CHLSN: variants seen among roughly 807,000 people sequenced by gnomAD.
CHLSN encodes cholesin, also known as protein cholesin.
the CHLSN span, chr7:1,092,722 AG>A: frequency 6.2e-7 from 1 of 1,613,564 alleles, no homozygotes; most frequent in Non-Finnish European, 8.5e-7. Context: ...GGAGACCTTC[AG>A]GGACAAGCTG....
At chr7:1,070,365 G>GC in the CHLSN span, among the ~76,000 whole-genome samples, 1 of 128,824 alleles carries the variant, frequency 7.8e-6, no homozygotes. Context: ...GGGGGGGTCA[G>GC]CCCCCCGCCC....
chr7:1,118,981 G>A, the CHLSN span, among the ~76,000 whole-genome samples: 4 of 151,188 alleles, frequency 2.6e-5, no homozygotes, highest in East Asian at 2.0e-4. Context: ...TGGGCTGGGC[G>A]CAGTGGCTCA....
chr7:1,043,479 G>A, the CHLSN span: 5 of 152,252 alleles, frequency 3.3e-5, no homozygotes, highest in African/African-American at 4.8e-5. Flanking sequence ...AACAGAACCT[G>A]ACACAGAATA....
At chr7:1,106,990 C>T in the CHLSN span, among the ~76,000 whole-genome samples, 5 of 152,192 alleles carry the variant, frequency 3.3e-5, no homozygotes, top group Non-Finnish European at 5.9e-5. Flanking sequence ...CACCAGGCCA[C>T]GGGGAAGCGC....
the CHLSN span, among the ~76,000 whole-genome samples, chr7:1,062,511 C>T: frequency 1.3e-5 from 2 of 152,204 alleles, no homozygotes; most frequent in African/African-American, 2.4e-5. Flanking sequence ...ACGTCTCAAA[C>T]GGTAGCAGAG....
the CHLSN span, among the ~76,000 whole-genome samples, chr7:1,060,479 C>T: frequency 1.3e-5 from 2 of 152,212 alleles, no homozygotes; most frequent in African/African-American, 4.8e-5. Flanking sequence ...TGCCCGGCCC[C>T]AGGGACAGTG....
chr7:1,080,832 A>G, the CHLSN span: 1 of 152,312 alleles, frequency 6.6e-6, no homozygotes, highest in African/African-American at 2.4e-5. Flanking sequence ...AGTGCCACGC[A>G]CATGGGAAGC....
the CHLSN span, chr7:1,127,463 G>A: frequency 7.5e-7 from 1 of 1,339,956 alleles, no homozygotes; most frequent in Non-Finnish European, 1.0e-6. Context: ...AATAAAAAGA[G>A]GTAGGGCACT....
At chr7:1,058,557 G>A in the CHLSN span, 4 of 745,414 alleles carry the variant, frequency 5.4e-6, no homozygotes, top group East Asian at 4.9e-5. Context: ...TCTGGTGGAC[G>A]CAGAGCACTT....
the CHLSN span, chr7:997,487 C>G: frequency 1.4e-6 from 1 of 701,182 alleles, no homozygotes. Flanking sequence ...TCCCGGCCCC[C>G]ACCACCGGAG....
chr7:986,300 G>A, the CHLSN span: 1 of 360,996 alleles, frequency 2.8e-6, no homozygotes, highest in Non-Finnish European at 5.1e-6. Context: ...TCTGAGGTCT[G>A]CTCTGTCTTC....
At chr7:983,928 G>A in the CHLSN span, among the ~76,000 whole-genome samples, 1 of 152,208 alleles carries the variant, frequency 6.6e-6, no homozygotes, top group African/African-American at 2.4e-5. Flanking sequence ...AGGCAGGCAG[G>A]GTCAGTGGGA....
At chr7:1,113,221 T>C in the CHLSN span, among the ~76,000 whole-genome samples, 1 of 152,118 alleles carries the variant, frequency 6.6e-6, no homozygotes, top group Non-Finnish European at 1.5e-5. Context: ...TTTTTTTTTT[T>C]TAATTTACTA....
At chr7:1,083,674 G>A in the CHLSN span, among the ~76,000 whole-genome samples, 8 of 151,948 alleles carry the variant, frequency 5.3e-5, no homozygotes, top group African/African-American at 1.9e-4. Context: ...GTGTGGAGGC[G>A]CAGACGACGG....
chr7:1,118,339 A>C, the CHLSN span, among the ~76,000 whole-genome samples: 1 of 152,304 alleles, frequency 6.6e-6, no homozygotes, highest in African/African-American at 2.4e-5. Context: ...TTACTTAAAA[A>C]ACCCGATACA....
chr7:1,053,001 C>T, the CHLSN span, among the ~76,000 whole-genome samples: 23 of 152,232 alleles, frequency 1.5e-4, no homozygotes, highest in Non-Finnish European at 2.9e-4. Flanking sequence ...GCTCCCCGTT[C>T]CTCTTTCCCT....
the CHLSN span, among the ~76,000 whole-genome samples, chr7:1,038,222 C>T: frequency 3.4e-5 from 3 of 89,132 alleles, no homozygotes; most frequent in African/African-American, 8.3e-5. Flanking sequence ...TCAGCCCCCC[C>T]GACCGGCCAG....
the CHLSN span, among the ~76,000 whole-genome samples, chr7:1,136,587 C>CAT: frequency 8.8e-6 from 1 of 113,604 alleles, no homozygotes; most frequent in Non-Finnish European, 1.8e-5. Context: ...CATATATAAA[C>CAT]ATATATAAAC....
At chr7:1,082,999 T>C in the CHLSN span, among the ~76,000 whole-genome samples, 24 of 152,342 alleles carry the variant, frequency 1.6e-4, no homozygotes, top group African/African-American at 5.5e-4. Flanking sequence ...GAGGTGGGGC[T>C]GGGACAATGC....
Sources: allele counts gnomAD v4.1 joint callset (sites outside exome capture counted in the v4.1 genomes callset), GRCh38; gene constraint gnomAD v4.1.1; transcripts MANE v1.5; gene names NCBI Gene and HGNC (gene_info 2026-07-23, HGNC 2026-07-21).